Variants in CDH17 observed in about 807,000 individuals in gnomAD.
CDH17 encodes the protein cadherin-17.
Under a neutral mutation model 86.3 loss-of-function variants are expected in CDH17, and 67 were observed. That is an observed-to-expected ratio of 0.78 (90% CI 0.64 to 0.95). The LOEUF is 0.95. Ranked by LOEUF, CDH17 falls within the 40% of genes least tolerant of loss-of-function variation. The pLI is 0.00. For missense variants in CDH17, 993 were observed against 1,017.6 expected (o/e 0.98, Z 0.33); for synonymous variants, 367 against 366.4 (o/e 1.00, Z -0.02).
At chr8:94,197,925 G>A (rs1813819367) in intron 1 of CDH17, among the ~76,000 whole-genome samples, 1 of 151,908 alleles carries the variant, frequency 6.6e-6, no homozygotes, top group South Asian at 2.1e-4. Context: ...CATTTTGTAG[G>A]TGAGAAAATT....
intron 15 of CDH17, 131 bp from the exon 16 acceptor site, chr8:94,131,123 C>T: frequency 1.6e-6 from 1 of 630,412 alleles, no homozygotes; most frequent in Non-Finnish European, 2.8e-6. Flanking sequence ...CCCAAAGTAT[C>T]ATCCACATCA....
At chr8:94,188,356 T>A (rs1278236683) in intron 3 of CDH17, among the ~76,000 whole-genome samples, 1 of 152,186 alleles carries the variant, frequency 6.6e-6, no homozygotes, top group East Asian at 1.9e-4. Flanking sequence ...AACCCACAGA[T>A]ACAGAGGGCC....
Position 94,130,708 on chromosome 8 carries a change from A to G in CDH17, c.2316T>C (p.Cys772=). The G allele has an allele frequency of 6.2e-7, 1 of 1,614,072 alleles. No homozygotes were observed. Among genetic ancestry groups the G allele is most frequent in the Non-Finnish European group, 8.5e-7 (1 of 1,179,970 alleles). ...CAGTCTGGTGACCTGCTGGCCGGAA[A>G]CAACTTCCTTCCACACAACTGCAGA... ...VTFCSCVEGS[C]FRPAGHQTGI... Residue 772 remains cysteine, a synonymous_variant, in exon 17 of 18, where the codon TGT becomes TGC. Coordinates refer to ENST00000027335, the MANE Select transcript of CDH17 (RefSeq NM_004063.4).
intron 1 of CDH17, among the ~76,000 whole-genome samples, chr8:94,199,065 ATATATATATATATATATATTTTT>A (rs1563589452): frequency 5.1e-5 from 1 of 19,490 alleles, no homozygotes; most frequent in African/African-American, 1.9e-4. Context: ...ATATATATAT[ATATATATATATATATATATTTTT>A]TTTTTTTTAT....
chr8:94,148,727 T>G lies in CDH17; in HGVS notation c.1927+17A>C, dbSNP rs1182485618. Reference sequence around the variant, plus strand: ...TCTGTGTTCCTTTTTTTTTGTTTTTTTTTTTTTTTTGCTTACCTACTTCTG... The same window carrying G: ...TCTGTGTTCCTTTTTTTTTGTTTTTGTTTTTTTTTTGCTTACCTACTTCTG... On this transcript the variant is annotated intron_variant, in intron 14 of 17. Transcript: ENST00000027335. 23 of 1,428,858 alleles carry G rather than the reference T, an allele frequency of 1.6e-5. No individual in the cohort carries two copies. The highest frequency in any genetic ancestry group is 1.5e-4 in the African/African-American group (10 of 66,974). 88.5% of individuals were successfully genotyped at this position (1,428,858 alleles called of 1,614,324 possible). A position where few individuals can be genotyped will look rare whatever the true frequency, so the allele number is the denominator to read the frequency against.
At chr8:94,153,052 C>T (rs1415056090) in intron 12 of CDH17, among the ~76,000 whole-genome samples, 1 of 152,142 alleles carries the variant, frequency 6.6e-6, no homozygotes, top group Non-Finnish European at 1.5e-5. Flanking sequence ...AACTAAGAAG[C>T]TTCTACATAG....
At chr8:94,175,601 G>T (rs1037445012) in intron 5 of CDH17, among the ~76,000 whole-genome samples, 1 of 152,150 alleles carries the variant, frequency 6.6e-6, no homozygotes, top group Non-Finnish European at 1.5e-5. Context: ...GTGTGCAACT[G>T]TTAGGAGGTG....
rs960997041 is a variant in CDH17 at position 94,173,895 on chromosome 8, A to C, written c.685T>G (p.Ser229Ala). The C allele has an allele frequency of 1.2e-6, 2 of 1,612,424 alleles. 1 individual carries two copies. Among genetic ancestry groups the C allele is most frequent in the Non-Finnish European group, 1.7e-6 (2 of 1,178,488 alleles). ...TTCTCTGTCACTATGATATCCACAG[A>C]TGTGGTATCACTGAAGGAATTCTCA... The part of the protein sequence containing the change: ...QSENSFSDTT[S>A]VDIIVTENIW... Residue 229 changes from serine (S) to alanine (A), a missense_variant, in exon 7 of 18, where the codon TCT (serine) becomes GCT (alanine). Transcript: ENST00000027335.
chr8:94,200,245 G>A (rs755637547), intron 1 of CDH17, among the ~76,000 whole-genome samples: 1 of 152,156 alleles, frequency 6.6e-6, no homozygotes, highest in Admixed American at 6.5e-5. Flanking sequence ...CAATGGTGCT[G>A]ATGGGAAGCC....
At chr8:94,165,665 T>C (rs1813137576) in intron 10 of CDH17, 96 bp downstream of exon 10, 3 of 833,332 alleles carry the variant, frequency 3.6e-6, no homozygotes, top group Non-Finnish European at 6.1e-6. Flanking sequence ...TTAAATGGCA[T>C]CATTCTATAA....
intron 1 of CDH17, among the ~76,000 whole-genome samples, chr8:94,204,507 T>C (rs1345498892): frequency 3.9e-5 from 6 of 152,206 alleles, no homozygotes; most frequent in Non-Finnish European, 5.9e-5. Context: ...TAGTATTCCA[T>C]GGTGTATATG....
intron 3 of CDH17, among the ~76,000 whole-genome samples, chr8:94,185,600 A>G (rs1224804004): frequency 2.0e-5 from 3 of 152,218 alleles, no homozygotes; most frequent in Non-Finnish European, 2.9e-5. Context: ...CTGTACTCAC[A>G]GAACACCTAC....
At chr8:94,163,442 G>T (rs747055630) in intron 10 of CDH17, among the ~76,000 whole-genome samples, 3 of 152,262 alleles carry the variant, frequency 2.0e-5, no homozygotes, top group African/African-American at 7.2e-5. Flanking sequence ...AGGACAGGAA[G>T]AGTGTAGCTG....
At chr8:94,194,887 T>C (rs568944540) in intron 1 of CDH17, among the ~76,000 whole-genome samples, 182 bp from the exon 2 acceptor site, 21 of 152,236 alleles carry the variant, frequency 1.4e-4, no homozygotes, top group Non-Finnish European at 2.8e-4. Flanking sequence ...ACATCATCCA[T>C]AGCAATATGC....
intron 1 of CDH17, among the ~76,000 whole-genome samples, chr8:94,205,214 T>A (rs891840952): frequency 6.6e-6 from 1 of 152,176 alleles, no homozygotes; most frequent in Non-Finnish European, 1.5e-5. Context: ...CACAAGCATC[T>A]TCCCTGGACT....
intron 13 of CDH17, among the ~76,000 whole-genome samples, chr8:94,149,215 CAAATT>C (rs1468553441): frequency 5.9e-5 from 9 of 152,110 alleles, no homozygotes; most frequent in Non-Finnish European, 1.3e-4. Flanking sequence ...ATCAAAAACT[CAAATT>C]AAAGTAACCT....
rs545885529 is a variant in CDH17 at position 94,173,232 on chromosome 8, C to T, written c.783+565G>A. Among the ~76,000 whole-genome samples, 14 of 152,198 alleles carry T rather than the reference C, an allele frequency of 9.2e-5. No homozygotes were observed. The South Asian group carries it at 2.5e-3, about 27-fold the overall frequency. On this transcript the variant is annotated intron_variant, in intron 7 of 17. Transcript: ENST00000027335. Reference sequence around the variant, plus strand: ...GTCCCCTCCAAATCTCATGTTGAAACGTAATCCTCAGTATTGGAGGTGAGG... The same window carrying T: ...GTCCCCTCCAAATCTCATGTTGAAATGTAATCCTCAGTATTGGAGGTGAGG...
At chr8:94,197,725 G>A (rs542588725) in intron 1 of CDH17, among the ~76,000 whole-genome samples, 35 of 151,994 alleles carry the variant, frequency 2.3e-4, no homozygotes, top group African/African-American at 8.4e-4. Context: ...CAGCTACTTG[G>A]GAGGCTGAGG....
Position 94,130,983 on chromosome 8 carries a change from G to A in CDH17, c.2177C>T (p.Ala726Val), listed in dbSNP as rs773313879. ...CTCTGTGTGCCTGGTAGACAGTCGG[G>A]CATGAGTACCTGCCAGGACAGGAAA... Reference protein sequence around the residue: ...WEVSKINGTHARLSTRHTEFE... With the variant: ...WEVSKINGTHVRLSTRHTEFE... The change falls in exon 16 of 18, where the codon GCC (alanine) becomes GTC (valine). Residue 726 changes from alanine to valine, a missense_variant. Ala to Val is a moderately conservative substitution (Grantham distance 64). Coordinates refer to ENST00000027335, the MANE Select transcript of CDH17 (RefSeq NM_004063.4). 21 of 1,553,320 alleles carry A rather than the reference G, an allele frequency of 1.4e-5. 1 individual carries two copies. In the South Asian group the frequency reaches 1.8e-4, roughly 13 times the overall value.
Sources: allele counts gnomAD v4.1 joint callset (sites outside exome capture counted in the v4.1 genomes callset), GRCh38; gene constraint gnomAD v4.1.1; transcripts MANE v1.5; gene names NCBI Gene and HGNC (gene_info 2026-07-23, HGNC 2026-07-21).